Variants in TARBP1 observed in about 807,000 individuals in gnomAD.
TARBP1 encodes tRNA (guanosine(18)-2'-O)-methyltransferase TARBP1.
A neutral mutation model predicts 178.6 loss-of-function variants in TARBP1; 144 were observed. The ratio of observed to expected loss-of-function variants is 0.81; its 90% CI spans 0.70 to 0.93. The LOEUF is 0.93. Among genes scored for constraint, TARBP1 ranks in the 40% least tolerant of loss-of-function variants. TARBP1 has a pLI of 0.00. For missense variants in TARBP1, 2,067 were observed against 2,011.7 expected (o/e 1.03, Z -0.53); for synonymous variants, 787 against 781.0 (o/e 1.01, Z -0.13).
In TARBP1 at chr1:234,478,634, C is replaced by A; in HGVS notation, c.470G>T (p.Gly157Val). Reference sequence around the variant, plus strand: ...CCCCGCCACGCGCTCCAGTAGCGGCCCGTCCTCGCGGGGCCGCAAACATGG... The same window carrying A: ...CCCCGCCACGCGCTCCAGTAGCGGCACGTCCTCGCGGGGCCGCAAACATGG... ...VGPCLRPRED[G>V]PLLERVAGTA... The change falls in exon 1 of 30, where the codon GGG (glycine) becomes GTG (valine). Residue 157 changes from glycine (G) to valine (V), a missense_variant. Gly to Val is a moderately radical substitution (Grantham distance 109). Transcript: ENST00000040877. 1 of 1,296,102 alleles carries A rather than the reference C, an allele frequency of 7.7e-7. No homozygotes were observed. Among genetic ancestry groups the A allele is most frequent in the Non-Finnish European group, 9.8e-7 (1 of 1,022,430 alleles). The allele number at this position is 1,296,102 out of a possible 1,614,324, so 80.3% of individuals were successfully genotyped here.
At chr1:234,455,529 GC>G (rs1558234387) in intron 9 of TARBP1, among the ~76,000 whole-genome samples, 4 of 152,184 alleles carry the variant, frequency 2.6e-5, no homozygotes. Context: ...AAGGGTCTTT[GC>G]CTACTGAGAT....
At chr1:234,394,516 C>T (rs1659716793) in intron 26 of TARBP1, among the ~76,000 whole-genome samples, 1 of 152,198 alleles carries the variant, frequency 6.6e-6, no homozygotes, top group Non-Finnish European at 1.5e-5. Flanking sequence ...ATAGGACAGA[C>T]ATGCAAATAA....
chr1:234,450,280 T>C, intron 10 of TARBP1, 148 bp downstream of exon 10: 1 of 567,314 alleles, frequency 1.8e-6, no homozygotes. Flanking sequence ...CTTTACTTTT[T>C]TTTCACATTA....
rs1311439774 is a variant in TARBP1 at position 234,479,025 on chromosome 1, C to T, written c.79G>A (p.Glu27Lys). ...RALLGALCQG[E>K]ASAERVETLR... ...GTCTCCACGCGCTCCGCGGATGCCT[C>T]CCCTTGGCACAGCGCCCCAAGCAGG... Residue 27 changes from glutamate to lysine, a missense_variant, in exon 1 of 30, where the codon GAG becomes AAG. By Grantham distance (56) the Glu-to-Lys change is moderately conservative (BLOSUM62 1). Coordinates refer to ENST00000040877, the MANE Select transcript of TARBP1 (RefSeq NM_005646.4). 2 of 1,528,964 alleles carry T rather than the reference C, an allele frequency of 1.3e-6. No individual in the cohort carries two copies. The highest frequency in any genetic ancestry group is 1.2e-5 in the South Asian group (1 of 83,358). The allele number at this position is 1,528,964 out of a possible 1,614,324, so 94.7% of individuals were successfully genotyped here.
intron 14 of TARBP1, 39 bp from the exon 15 acceptor site, chr1:234,430,340 CA>C: frequency 1.3e-6 from 2 of 1,582,656 alleles, no homozygotes; most frequent in Non-Finnish European, 1.7e-6. Context: ...TTAATATGCA[CA>C]AGTCTTAATC....
rs778235092 is a variant in TARBP1, at chr1:234,446,956, T to C, written c.1981A>G (p.Asn661Asp). Reference protein sequence around the residue: ...TQYSGKQRTENVLRIFLDPLL... With the variant: ...TQYSGKQRTEDVLRIFLDPLL... The stretch of plus-strand genomic sequence containing the variant: ...GGGTCTAAGAATATCCGCAATACAT[T>C]CTCTGTTCTCTGCTTTCCGCTAGAC... Residue 661 changes from asparagine to aspartate, a missense_variant, in exon 12 of 30, where the codon AAT becomes GAT. By Grantham distance (23) the Asn-to-Asp change is conservative. Transcript: ENST00000040877. 4.6e-5 allele frequency: 74 copies of C among 1,613,190 alleles called. No homozygotes were observed. The highest frequency in any genetic ancestry group is 6.1e-5 in the Non-Finnish European group (72 of 1,179,590).
At chr1:234,428,863 A>G (rs771941796) in intron 17 of TARBP1, among the ~76,000 whole-genome samples, 4 of 152,314 alleles carry the variant, frequency 2.6e-5, no homozygotes, top group Middle Eastern at 6.8e-3. Context: ...CCAACAATTA[A>G]AAGTTGCCAG....
At position 234,398,529 on chromosome 1, in the gene TARBP1, G is replaced by A. The variant is rs867067686; in HGVS notation, c.4096C>T (p.Leu1366Phe). ...CATTCATCTTCAATAAGGCCTGAAA[G>A]GCGTGGAAGGATGTAAAATATGGTC... Reference protein sequence around the residue: ...LETIFYILPRLSGLIEDEWIT... With the variant: ...LETIFYILPRFSGLIEDEWIT... The change falls in exon 26 of 30, where the codon CTT becomes TTT. Residue 1366 changes from leucine (L) to phenylalanine (F), a missense_variant. Transcript: ENST00000040877. 1 of 1,593,032 alleles carries A rather than the reference G, an allele frequency of 6.3e-7. No homozygotes were observed. The highest frequency in any genetic ancestry group is 8.6e-7 in the Non-Finnish European group (1 of 1,167,272).
At chr1:234,423,955 A>G (rs1311512704) in intron 20 of TARBP1, among the ~76,000 whole-genome samples, 2 of 152,100 alleles carry the variant, frequency 1.3e-5, no homozygotes, top group Non-Finnish European at 2.9e-5. Context: ...TAGAATACCC[A>G]TACCCAGCTC....
intron 22 of TARBP1, among the ~76,000 whole-genome samples, chr1:234,416,287 G>C (rs187064668): frequency 4.6e-5 from 7 of 152,322 alleles, no homozygotes; most frequent in Non-Finnish European, 1.0e-4. Flanking sequence ...AGAAGAGCCA[G>C]AGGAGCCTGG....
intron 13 of TARBP1, among the ~76,000 whole-genome samples, chr1:234,433,973 T>C (rs369598126): frequency 1.1e-4 from 16 of 152,328 alleles, no homozygotes; most frequent in African/African-American, 3.8e-4. Context: ...AAGATCACTG[T>C]CCCACTTTCA....
chr1:234,410,656 G>T, intron 22 of TARBP1, 125 bp from the exon 23 acceptor site: 1 of 608,894 alleles, frequency 1.6e-6, no homozygotes. Context: ...GGAACAGCCC[G>T]GGGTCTGGGT....
rs769743953 is a variant in TARBP1, at chr1:234,437,277, T to TG, written c.2229_2230insC (p.Ser744GlnfsTer17). On this transcript the variant is annotated frameshift_variant, in exon 13 of 30. Coordinates refer to ENST00000040877, the MANE Select transcript of TARBP1 (RefSeq NM_005646.4). LOFTEE classifies it high-confidence loss of function. ...AAGTTATTCCACTGAATACTTACAC[T>TG]ATTTAGCTCATTCATAGTAAGTCTT... is the stretch of plus-strand genomic sequence containing the variant. 1 of 1,484,318 alleles carries TG rather than the reference T, an allele frequency of 6.7e-7. No homozygotes were observed. Among genetic ancestry groups the TG allele is most frequent in the Non-Finnish European group, 9.2e-7 (1 of 1,084,010 alleles). 91.9% of individuals were successfully genotyped at this position (1,484,318 alleles called of 1,614,324 possible).
In TARBP1 at chr1:234,478,351, G is replaced by A. The variant is rs1300427201; in HGVS notation, c.753C>T (p.Gly251=). 1 of 1,266,312 alleles carries A rather than the reference G, an allele frequency of 7.9e-7. No individual in the cohort carries two copies. Among genetic ancestry groups the A allele is most frequent in the Non-Finnish European group, 9.9e-7 (1 of 1,011,654 alleles). The allele number at this position is 1,266,312 out of a possible 1,614,324, so 78.4% of individuals were successfully genotyped here. ...GGGCGTCCGGGCCCGCCTCGCGCGC[G>A]CCGCGGGCGCGGTCGCCGCCGGGCT... The part of the protein sequence containing the change: ...LPEPGGDRAR[G]AREAGPDARR... Residue 251 remains glycine, a synonymous_variant, in exon 1 of 30, where the codon GGC becomes GGT. Coordinates refer to ENST00000040877, the MANE Select transcript of TARBP1 (RefSeq NM_005646.4).
At chr1:234,423,607 C>T (rs1347835406) in intron 20 of TARBP1, among the ~76,000 whole-genome samples, 1 of 152,194 alleles carries the variant, frequency 6.6e-6, no homozygotes, top group Non-Finnish European at 1.5e-5. Context: ...GGCCTGCAAC[C>T]TCCTCGTCCT....
At chr1:234,468,126 C>T (rs1668639664) in intron 3 of TARBP1, among the ~76,000 whole-genome samples, 1 of 141,988 alleles carries the variant, frequency 7.0e-6, no homozygotes, top group African/African-American at 2.7e-5. Context: ...TTTTGGTATT[C>T]AGTATTCCGT....
In TARBP1 at chr1:234,478,862, G is replaced by A. The variant is rs1669849261; in HGVS notation, c.242C>T (p.Ala81Val). Residue 81 changes from alanine to valine, a missense_variant, in exon 1 of 30, where the codon GCG (alanine) becomes GTG (valine). Transcript: ENST00000040877. ...PLLRSLRGRP[A>V]GGPDPSLQPR... ...CTGCAGACTGGGGTCCGGGCCGCCCGCGGGGCGTCCGCGCAGGCTCCGCAG... is the reference window on the plus strand; with the variant it reads ...CTGCAGACTGGGGTCCGGGCCGCCCACGGGGCGTCCGCGCAGGCTCCGCAG... 2.3e-6 allele frequency: 3 copies of A among 1,277,484 alleles called. No individual in the cohort carries two copies. The highest frequency in any genetic ancestry group is 6.6e-5 in the East Asian group (2 of 30,370). The allele number at this position is 1,277,484 out of a possible 1,614,324, so 79.1% of individuals were successfully genotyped here.
intron 2 of TARBP1, among the ~76,000 whole-genome samples, chr1:234,471,651 G>A (rs910493266): frequency 3.9e-5 from 6 of 152,202 alleles, no homozygotes; most frequent in Non-Finnish European, 8.8e-5. Flanking sequence ...CCAGTTCGGA[G>A]TTCCATGTTC....
At chr1:234,423,702 A>G (rs191967794) in intron 20 of TARBP1, among the ~76,000 whole-genome samples, 2 of 151,228 alleles carry the variant, frequency 1.3e-5, no homozygotes, top group East Asian at 3.9e-4. Context: ...GCTCAGCCCA[A>G]ATGTCACCTG....
Sources: gnomAD v4.1 joint callset for allele counts (sites outside exome capture counted in the v4.1 genomes callset) on GRCh38, gnomAD v4.1.1 for gene constraint, MANE v1.5 for transcripts, NCBI Gene and HGNC (gene_info 2026-07-23, HGNC 2026-07-21) for gene names.